The following GAS7 variants were observed in gnomAD, a reference collection of about 807,000 sequenced individuals.
GAS7 encodes growth arrest specific 7.
A neutral mutation model predicts 71.1 loss-of-function variants in GAS7; 28 were observed. The ratio of observed to expected loss-of-function variants is 0.39; its 90% CI spans 0.29 to 0.54. The LOEUF is 0.54. GAS7 is among the 20% of genes least tolerant of loss of function. The probability of loss-of-function intolerance (pLI) is 0.62; values close to 1 mark genes in which losing one functional copy is unlikely to be tolerated. For synonymous variants in GAS7, 258 were observed against 245.8 expected, an observed-to-expected ratio of 1.05 and a Z score of -0.46; for missense variants, 436 against 627.8, an observed-to-expected ratio of 0.69 and a Z score of 3.27.
intron 1 of GAS7, among the ~76,000 whole-genome samples, chr17:10,021,740 T>C (rs2072276821): frequency 1.3e-5 from 2 of 152,180 alleles, no homozygotes; most frequent in Non-Finnish European, 2.9e-5. Flanking sequence ...CTGGGCAGGT[T>C]TACCTGGGCC....
Position 9,910,904 on chromosome 17 carries a change from G to A in GAS7, c.*6324C>T, listed in dbSNP as rs752493925. ...TCATACCGGGGTGAGGAGTGCTGGC[G>A]GGAGACACGGCTCTTTAACATGAAA... On this transcript the variant is annotated 3_prime_UTR_variant, in exon 14 of 14. Coordinates refer to ENST00000432992, the MANE Select transcript of GAS7 (RefSeq NM_201433.2). 16 of 230,066 alleles carry A rather than the reference G, an allele frequency of 7.0e-5. No individual in the cohort carries two copies. Among genetic ancestry groups the A allele is most frequent in the Middle Eastern group, 1.3e-3 (1 of 784 alleles). 14.3% of individuals were successfully genotyped at this position (230,066 alleles called of 1,614,324 possible).
intron 8 of GAS7, among the ~76,000 whole-genome samples, chr17:9,935,216 T>C (rs936380430): frequency 6.6e-6 from 1 of 152,178 alleles, no homozygotes; most frequent in Middle Eastern, 3.2e-3. Context: ...CGGTCTCCTC[T>C]AGCACTGCTT....
intron 1 of GAS7, among the ~76,000 whole-genome samples, chr17:10,022,426 A>C (rs2072305480): frequency 6.6e-6 from 1 of 152,182 alleles, no homozygotes; most frequent in South Asian, 2.1e-4. Context: ...TTGGGAGGAA[A>C]TAGGAAGGAT....
At position 9,940,193 on chromosome 17, in the gene GAS7, T is replaced by C; in HGVS notation, c.739A>G (p.Ile247Val). 1 of 1,612,558 alleles carries C rather than the reference T, an allele frequency of 6.2e-7. No individual in the cohort carries two copies. Among genetic ancestry groups the C allele is most frequent in the Non-Finnish European group, 8.5e-7 (1 of 1,178,520 alleles). The change falls in exon 8 of 14, where the codon ATT becomes GTT. Residue 247 changes from isoleucine to valine, a missense_variant. Ile to Val is a conservative substitution (Grantham distance 29). Transcript: ENST00000432992. Reference sequence around the variant, plus strand: ...AAGTTCTTCGCATAGTCTTCTTCAATCTTTATCCTGCAAAGAGAGAAAACC... The same window carrying C: ...AAGTTCTTCGCATAGTCTTCTTCAACCTTTATCCTGCAAAGAGAGAAAACC... ...MSEFIRERIK[I>V]EEDYAKNLAK...
intron 11 of GAS7, among the ~76,000 whole-genome samples, chr17:9,921,894 G>A (rs2067826037): frequency 6.7e-6 from 1 of 148,950 alleles, no homozygotes; most frequent in South Asian, 2.1e-4. Flanking sequence ...GGGAGGCGGA[G>A]CTTGCAGTGA....
intron 1 of GAS7, among the ~76,000 whole-genome samples, chr17:10,049,921 G>A (rs1418977941): frequency 6.6e-6 from 1 of 152,018 alleles, no homozygotes; most frequent in Non-Finnish European, 1.5e-5. Context: ...CGCCCGGTCT[G>A]AAATTAGTTT....
At chr17:10,001,500 A>G (rs767973719) in intron 2 of GAS7, among the ~76,000 whole-genome samples, 6 of 152,196 alleles carry the variant, frequency 3.9e-5, no homozygotes, top group Non-Finnish European at 8.8e-5. Flanking sequence ...GAATCGGGGA[A>G]AAAAGGGAAG....
intron 1 of GAS7, among the ~76,000 whole-genome samples, chr17:10,128,622 T>G (rs1289507299): frequency 6.6e-6 from 1 of 151,966 alleles, no homozygotes; most frequent in East Asian, 1.9e-4. Context: ...GTTTTGCTTT[T>G]TCTTTTCTCT....
intron 1 of GAS7, among the ~76,000 whole-genome samples, chr17:10,136,707 C>T (rs956112991): frequency 2.4e-4 from 37 of 152,150 alleles, no homozygotes; most frequent in African/African-American, 7.2e-4. Context: ...CTGCAAGACA[C>T]GAAGACTGAT....
chr17:10,083,633 GAGA>G (rs1391046998), intron 1 of GAS7, among the ~76,000 whole-genome samples: 1 of 152,254 alleles, frequency 6.6e-6, no homozygotes, highest in Non-Finnish European at 1.5e-5. Flanking sequence ...GAGGAGGACA[GAGA>G]AGAATTTTAT....
chr17:10,081,489 C>T (rs1428805775), intron 1 of GAS7, among the ~76,000 whole-genome samples: 1 of 152,128 alleles, frequency 6.6e-6, no homozygotes, highest in African/African-American at 2.4e-5. Flanking sequence ...AGCAAAATCC[C>T]TAAAGTAATC....
At chr17:10,089,930 G>A (rs2073563396) in intron 1 of GAS7, among the ~76,000 whole-genome samples, 2 of 152,176 alleles carry the variant, frequency 1.3e-5, no homozygotes, top group African/African-American at 4.8e-5. Flanking sequence ...CACTTTGGGA[G>A]GCCAAGGCAG....
intron 3 of GAS7, among the ~76,000 whole-genome samples, chr17:9,971,870 G>T (rs3786095): frequency 0.15 from 22,829 of 152,172 alleles, 2,350 homozygotes; most frequent in African/African-American, 0.29. Flanking sequence ...ACGAGGACTG[G>T]AGGCAAGCGT....
chr17:9,920,205 A>C (rs925898577), intron 11 of GAS7, among the ~76,000 whole-genome samples: 1 of 120,566 alleles, frequency 8.3e-6, no homozygotes, highest in African/African-American at 3.7e-5. Context: ...GTGTGTGTGC[A>C]TGAACACACT....
chr17:9,992,103 T>C (rs1347476535), intron 2 of GAS7, among the ~76,000 whole-genome samples: 1 of 152,138 alleles, frequency 6.6e-6, no homozygotes, highest in Non-Finnish European at 1.5e-5. Flanking sequence ...ACTAACCACA[T>C]GTCGGGAAAA....
chr17:10,157,982 T>C (rs987971858), intron 1 of GAS7, among the ~76,000 whole-genome samples: 9 of 152,184 alleles, frequency 5.9e-5, no homozygotes, highest in African/African-American at 2.2e-4. Context: ...CGCTCCAGCC[T>C]AGGCAACAGA....
Position 10,094,530 on chromosome 17 carries a change from G to A in GAS7, c.184-74633C>T, listed in dbSNP as rs981409056. Among the ~76,000 whole-genome samples, 8 of 151,504 alleles carry A rather than the reference G, an allele frequency of 5.3e-5. No individual in the cohort carries two copies. The East Asian group carries it at 5.8e-4, about 11-fold the overall frequency. ...GTAGCACAGGCTGTAGTGCAGCGGC[G>A]CGATCTCGGCTCACTGCAACCTCCG... is the stretch of plus-strand genomic sequence containing the variant. On this transcript the variant is annotated intron_variant, in intron 1 of 13. Transcript: ENST00000432992.
intron 1 of GAS7, among the ~76,000 whole-genome samples, chr17:10,133,146 T>TAC: frequency 6.9e-6 from 1 of 145,584 alleles, no homozygotes; most frequent in Admixed American, 6.8e-5. Flanking sequence ...TTTTTTGAGA[T>TAC]GGAGTCTCGC....
rs1481945054 is a variant in GAS7 at position 9,911,343 on chromosome 17, C to T, written c.*5885G>A. 4.3e-6 allele frequency: 1 copy of T among 233,452 alleles called. No homozygotes were observed. The highest frequency in any genetic ancestry group is 5.6e-5 in the Admixed American group (1 of 17,788). The allele number at this position is 233,452 out of a possible 1,614,324, so 14.5% of individuals were successfully genotyped here. A position where few individuals can be genotyped will look rare whatever the true frequency, so the allele number is the denominator to read the frequency against. Reference sequence around the variant, plus strand: ...TCCCCCTGCATAGCAGGCTTTCCCTCTAGGTCTCCCAGTCACCCCACCCCG... The same window carrying T: ...TCCCCCTGCATAGCAGGCTTTCCCTTTAGGTCTCCCAGTCACCCCACCCCG... On this transcript the variant is annotated 3_prime_UTR_variant, in exon 14 of 14. Transcript: ENST00000432992. The surrounding 1 kb of genome is among the most constrained non-coding windows in gnomAD (Gnocchi z 4.0).
Sources: allele counts gnomAD v4.1 joint callset (sites outside exome capture counted in the v4.1 genomes callset), GRCh38; gene constraint gnomAD v4.1.1; non-coding constraint Gnocchi (gnomAD v3.1); transcripts MANE v1.5; gene names NCBI Gene and HGNC (gene_info 2026-07-23, HGNC 2026-07-21).